The following PCDH7 variants were observed in gnomAD, a reference collection of about 807,000 sequenced individuals.
PCDH7 encodes the protein protocadherin-7.
Under a neutral mutation model 58.9 loss-of-function variants are expected in PCDH7, and 17 were observed. The ratio of observed to expected loss-of-function variants is 0.29; its 90% confidence interval spans 0.20 to 0.43. PCDH7 has a LOEUF of 0.43. Ranked by LOEUF, PCDH7 falls within the 20% of genes least tolerant of loss-of-function variation. The pLI is 1.00. For synonymous variants in PCDH7, 664 were observed against 616.4 expected, an observed-to-expected ratio of 1.08 and a Z score of -1.14; for missense variants, 1,274 against 1,441.0, an observed-to-expected ratio of 0.88 and a Z score of 1.88.
intron 1 of PCDH7, among the ~76,000 whole-genome samples, chr4:30,780,781 TA>T (rs1722679877): frequency 6.6e-6 from 1 of 152,174 alleles, no homozygotes; most frequent in African/African-American, 2.4e-5. Context: ...TGTTTTTTCT[TA>T]GTATACTCGA....
intron 3 of PCDH7, among the ~76,000 whole-genome samples, chr4:31,008,271 A>G (rs1221903071): frequency 2.0e-5 from 3 of 152,176 alleles, no homozygotes; most frequent in Non-Finnish European, 2.9e-5. Flanking sequence ...AATTTTGGTC[A>G]GTTTATTACT....
chr4:30,971,749 T>A (rs777574221), intron 3 of PCDH7, among the ~76,000 whole-genome samples: 1 of 152,022 alleles, frequency 6.6e-6, no homozygotes, highest in Non-Finnish European at 1.5e-5. Flanking sequence ...ATCATTCTAG[T>A]CCAGGAGTTC....
rs192326053 is a variant in PCDH7, at chr4:30,818,246, A to C, written c.70+93650A>C. Among the ~76,000 whole-genome samples the C allele has an allele frequency of 2.6e-5, 4 of 152,198 alleles. No homozygotes were observed. In the East Asian group the frequency reaches 7.7e-4, roughly 29 times the overall value. ...CCCCTTAACCCAGCTTGGGATATAT[A>C]TGTATAGTGTATGTATGTGTGATAT... is the stretch of plus-strand genomic sequence containing the variant. On this transcript the variant is annotated intron_variant, in intron 1 of 3. Transcript: ENST00000509759.
At chr4:31,045,902 A>C (rs902361227) in intron 3 of PCDH7, among the ~76,000 whole-genome samples, 1 of 152,014 alleles carries the variant, frequency 6.6e-6, no homozygotes, top group Non-Finnish European at 1.5e-5. Context: ...CTGGTGCCAA[A>C]TTTCAGTAGC....
intron 2 of PCDH7, among the ~76,000 whole-genome samples, chr4:30,930,140 A>G (rs1306448561): frequency 1.3e-5 from 2 of 152,190 alleles, no homozygotes; most frequent in African/African-American, 2.4e-5. Context: ...GACTGATTAT[A>G]TGCTACAAGA....
intron 2 of PCDH7, among the ~76,000 whole-genome samples, chr4:30,928,600 A>G (rs1744188315): frequency 6.6e-6 from 1 of 152,202 alleles, no homozygotes; most frequent in Admixed American, 6.5e-5. Context: ...AAAAAATAGT[A>G]AGCTCATTAG....
intron 2 of PCDH7, among the ~76,000 whole-genome samples, chr4:30,943,113 T>C (rs983759556): frequency 1.3e-5 from 2 of 151,970 alleles, no homozygotes; most frequent in Non-Finnish European, 2.9e-5. Context: ...TTGGATATTA[T>C]CATATTTCTA....
chr4:30,905,777 G>A (rs1228044159), intron 1 of PCDH7, among the ~76,000 whole-genome samples: 1 of 152,164 alleles, frequency 6.6e-6, no homozygotes, highest in Non-Finnish European at 1.5e-5. Flanking sequence ...CAAATAAATT[G>A]GAAGGTGAAA....
intron 1 of PCDH7, among the ~76,000 whole-genome samples, chr4:30,862,103 A>T (rs369304583): frequency 6.6e-6 from 1 of 152,174 alleles, no homozygotes; most frequent in East Asian, 1.9e-4. Context: ...TTGTATCACT[A>T]GCTTCCAAAA....
intron 1 of PCDH7, among the ~76,000 whole-genome samples, chr4:30,846,634 A>G (rs901099707): frequency 6.6e-6 from 1 of 152,136 alleles, no homozygotes; most frequent in Non-Finnish European, 1.5e-5. Flanking sequence ...TTAGGTTCCA[A>G]TAGTGCCACC....
At chr4:31,100,317 A>T (rs1714743884) in intron 3 of PCDH7, among the ~76,000 whole-genome samples, 1 of 152,204 alleles carries the variant, frequency 6.6e-6, no homozygotes, top group African/African-American at 2.4e-5. Context: ...AGATTATTTA[A>T]GTCAGCATCA....
intron 1 of PCDH7, among the ~76,000 whole-genome samples, chr4:30,845,843 G>T (rs536486780): frequency 5.9e-5 from 9 of 152,114 alleles, no homozygotes; most frequent in African/African-American, 2.2e-4. Context: ...TCCTCCTGCA[G>T]CTGCCTCCCA....
intron 3 of PCDH7, among the ~76,000 whole-genome samples, chr4:31,137,269 T>C (rs1719714212): frequency 6.6e-6 from 1 of 152,222 alleles, no homozygotes; most frequent in African/African-American, 2.4e-5. Context: ...TGTGTTGTTT[T>C]GTTATTTTGT....
At chr4:30,867,354 C>T (rs1735007127) in intron 1 of PCDH7, among the ~76,000 whole-genome samples, 1 of 152,052 alleles carries the variant, frequency 6.6e-6, no homozygotes, top group Admixed American at 6.6e-5. Context: ...AAAGAATATA[C>T]TCAAATCAGT....
intron 1 of PCDH7, among the ~76,000 whole-genome samples, chr4:30,850,790 T>C (rs956728112): frequency 9.2e-5 from 14 of 152,208 alleles, no homozygotes; most frequent in African/African-American, 3.4e-4. Flanking sequence ...ACCTTGCGTT[T>C]TTGGTTAGCT....
intron 3 of PCDH7, among the ~76,000 whole-genome samples, chr4:31,035,149 C>A (rs567207667): frequency 6.6e-6 from 1 of 152,012 alleles, no homozygotes; most frequent in South Asian, 2.1e-4. Flanking sequence ...ATGGAGATGG[C>A]ATCTCTTCCA....
Position 30,932,450 on chromosome 4 carries a change from A to C in PCDH7, c.287+12081A>C, listed in dbSNP as rs543998242. 3.6e-4 allele frequency among the ~76,000 whole-genome samples: 55 copies of C among 152,280 alleles called. 1 individual carries two copies. In the South Asian group the frequency reaches 0.011, roughly 30 times the overall value. ...ATAAATTTATTATTTCTTTGTGTTC[A>C]TTTTTGCTTTATAGGAGTTATGTAT... On this transcript the variant is annotated intron_variant, in intron 2 of 3. Transcript: ENST00000509759.
chr4:31,032,863 T>G (rs1352273754), intron 3 of PCDH7, among the ~76,000 whole-genome samples: 2 of 152,220 alleles, frequency 1.3e-5, no homozygotes, highest in East Asian at 1.9e-4. Context: ...TGTTTTATCT[T>G]AGAATCTATT....
intron 3 of PCDH7, among the ~76,000 whole-genome samples, chr4:31,116,569 A>G (rs376710662): frequency 2.0e-5 from 3 of 152,164 alleles, no homozygotes; most frequent in Admixed American, 1.3e-4. Flanking sequence ...GAGAAACCCT[A>G]TGCAGATCAT....
Sources: allele counts gnomAD v4.1 joint callset (sites outside exome capture counted in the v4.1 genomes callset), GRCh38; gene constraint gnomAD v4.1.1; transcripts MANE v1.5; gene names NCBI Gene and HGNC (gene_info 2026-07-23, HGNC 2026-07-21).